The following KDM4C variants were observed in gnomAD, a reference collection of about 807,000 sequenced individuals.
KDM4C encodes the protein lysine demethylase 4C, also known as lysine-specific demethylase 4C.
A neutral mutation model predicts 129.3 loss-of-function variants in KDM4C; 81 were observed. The observed-to-expected ratio is 0.63, with a 90% CI of 0.52 to 0.75. The LOEUF (loss-of-function observed/expected upper bound fraction) is 0.75, where lower values mean the gene tolerates loss of function less well. Among genes scored for constraint, KDM4C ranks in the 30% least tolerant of loss-of-function variants. The pLI is 0.00. For missense variants in KDM4C, 1,457 were observed against 1,304.0 expected (o/e 1.12, Z -1.81); for synonymous variants, 573 against 456.1 (o/e 1.26, Z -3.26).
chr9:6,831,258 G>A (rs781663627), intron 4 of KDM4C, among the ~76,000 whole-genome samples: 1 of 152,132 alleles, frequency 6.6e-6, no homozygotes. Context: ...TTTCTTTCAT[G>A]TAAAAATTTG....
At chr9:6,877,308 C>T (rs1401092798) in intron 5 of KDM4C, among the ~76,000 whole-genome samples, 2 of 152,226 alleles carry the variant, frequency 1.3e-5, no homozygotes, top group African/African-American at 4.8e-5. Context: ...TCACGCCATT[C>T]TTCTGCGTCA....
chr9:6,883,016 G>C (rs1230011833), intron 6 of KDM4C, among the ~76,000 whole-genome samples: 1 of 152,082 alleles, frequency 6.6e-6, no homozygotes, highest in Non-Finnish European at 1.5e-5. Flanking sequence ...TTCTGGGAAC[G>C]CCATCATCAA....
At chr9:6,896,903 G>A (rs796720128) in intron 8 of KDM4C, among the ~76,000 whole-genome samples, 7 of 152,242 alleles carry the variant, frequency 4.6e-5, no homozygotes, top group African/African-American at 1.7e-4. Context: ...GACTGGAGAG[G>A]GGGCTCCTGT....
intron 15 of KDM4C, among the ~76,000 whole-genome samples, chr9:7,019,635 G>T (rs939056157): frequency 1.4e-4 from 21 of 148,442 alleles, no homozygotes; most frequent in Non-Finnish European, 2.7e-4. Flanking sequence ...TATGAGAATT[G>T]TATGTGGTGG....
intron 17 of KDM4C, among the ~76,000 whole-genome samples, chr9:7,097,237 A>G (rs1366794747): frequency 6.6e-6 from 1 of 152,214 alleles, no homozygotes; most frequent in Non-Finnish European, 1.5e-5. Context: ...AGGCTCAGCC[A>G]GCGTGCAGCA....
At chr9:7,068,729 T>C (rs1372828667) in intron 17 of KDM4C, among the ~76,000 whole-genome samples, 9 of 137,440 alleles carry the variant, frequency 6.5e-5, no homozygotes, top group Non-Finnish European at 1.5e-5. Flanking sequence ...AGAATTTTGC[T>C]CTTGTCGCCC....
chr9:7,158,763 A>G (rs1289881005), intron 19 of KDM4C, among the ~76,000 whole-genome samples: 1 of 152,168 alleles, frequency 6.6e-6, no homozygotes, highest in African/African-American at 2.4e-5. Flanking sequence ...ACTTCCAACT[A>G]TGTGGTCAAT....
intron 17 of KDM4C, among the ~76,000 whole-genome samples, chr9:7,090,779 C>A (rs1216825647): frequency 6.6e-6 from 1 of 152,194 alleles, no homozygotes; most frequent in African/African-American, 2.4e-5. Flanking sequence ...CTTTGACTCA[C>A]GTTGTAAGAA....
At chr9:6,779,476 A>C (rs568829456) in intron 1 of KDM4C, among the ~76,000 whole-genome samples, 1 of 152,252 alleles carries the variant, frequency 6.6e-6, no homozygotes, top group Non-Finnish European at 1.5e-5. Context: ...GATCATAACT[A>C]ATTTGGTGTG....
chr9:7,013,115 TAAAA>T (rs1250001543), intron 13 of KDM4C, among the ~76,000 whole-genome samples: 2 of 152,148 alleles, frequency 1.3e-5, no homozygotes, highest in African/African-American at 2.4e-5. Context: ...TCTCAATAAT[TAAAA>T]AATTCAAACT....
At chr9:6,889,921 C>T (rs1351967241) in intron 7 of KDM4C, among the ~76,000 whole-genome samples, 3 of 152,186 alleles carry the variant, frequency 2.0e-5, no homozygotes, top group African/African-American at 7.2e-5. Context: ...CAGCTCTCTA[C>T]CAGTACTACA....
intron 8 of KDM4C, among the ~76,000 whole-genome samples, chr9:6,923,193 C>T (rs1394940528): frequency 6.6e-6 from 1 of 151,564 alleles, no homozygotes; most frequent in Non-Finnish European, 1.5e-5. Flanking sequence ...TACAATAGCT[C>T]GTTTGTTACA....
At chr9:7,115,918 G>C (rs1327351195) in intron 18 of KDM4C, among the ~76,000 whole-genome samples, 1 of 152,160 alleles carries the variant, frequency 6.6e-6, no homozygotes, top group Admixed American at 6.5e-5. Flanking sequence ...AGGGAAAATG[G>C]GTAGTTTCTT....
chr9:6,812,461 A>G (rs1199658236), intron 3 of KDM4C, among the ~76,000 whole-genome samples: 1 of 152,120 alleles, frequency 6.6e-6, no homozygotes. Context: ...TAATTTTTCT[A>G]TGGATGGGAG....
intron 8 of KDM4C, among the ~76,000 whole-genome samples, chr9:6,928,841 A>G (rs1439354079): frequency 6.6e-6 from 1 of 152,174 alleles, no homozygotes; most frequent in Non-Finnish European, 1.5e-5. Context: ...CAGAACTCTG[A>G]GGTTTCCCTA....
chr9:6,844,687 C>G (rs1837543606), intron 4 of KDM4C, among the ~76,000 whole-genome samples: 1 of 152,064 alleles, frequency 6.6e-6, no homozygotes, highest in Admixed American at 6.6e-5. Context: ...TCTGATAGGA[C>G]TGATATTTCT....
At chr9:6,817,290 C>T (rs1015455006) in intron 4 of KDM4C, among the ~76,000 whole-genome samples, 22 of 148,598 alleles carry the variant, frequency 1.5e-4, no homozygotes, top group African/African-American at 5.5e-4. Context: ...CAGCCTTGAC[C>T]TCCTGGGTTC....
chr9:7,096,271 A>G (rs1038374251), intron 17 of KDM4C, among the ~76,000 whole-genome samples: 1 of 152,190 alleles, frequency 6.6e-6, no homozygotes, highest in Non-Finnish European at 1.5e-5. Context: ...TTTCAACATG[A>G]GATTGTAATG....
intron 8 of KDM4C, among the ~76,000 whole-genome samples, chr9:6,929,639 T>G (rs926941553): frequency 6.6e-6 from 1 of 152,074 alleles, no homozygotes; most frequent in Non-Finnish European, 1.5e-5. Context: ...AGCCCAGTTT[T>G]ATTGAGGAGG....
Sources: gnomAD v4.1 joint callset for allele counts (sites outside exome capture counted in the v4.1 genomes callset) on GRCh38, gnomAD v4.1.1 for gene constraint, MANE v1.5 for transcripts, NCBI Gene and HGNC (gene_info 2026-07-23, HGNC 2026-07-21) for gene names.